The following ADGRB3 variants were observed in gnomAD, a reference collection of about 807,000 sequenced individuals.
The protein encoded by ADGRB3 is adhesion G protein-coupled receptor B3, also known as brain-specific angiogenesis inhibitor 3.
In ADGRB3, 37 loss-of-function variants were observed where a neutral mutation model predicts 193.4. The ratio of observed to expected loss-of-function variants is 0.19; its 90% CI spans 0.15 to 0.25. The LOEUF is 0.25. Ranked by LOEUF, ADGRB3 falls within the 10% of genes least tolerant of loss-of-function variation. ADGRB3 has a pLI of 1.00. For synonymous variants in ADGRB3, 690 were observed against 644.2 expected (o/e 1.07, Z -1.08); for missense variants, 1,637 against 1,852.9 (o/e 0.88, Z 2.14).
intron 17 of ADGRB3, among the ~76,000 whole-genome samples, chr6:69,201,947 G>A (rs977085249): frequency 6.6e-6 from 1 of 151,990 alleles, no homozygotes; most frequent in South Asian, 2.1e-4. Context: ...TCACTACTCA[G>A]ACATCTTATC....
At chr6:68,803,730 A>G (rs1767353438) in intron 3 of ADGRB3, among the ~76,000 whole-genome samples, 1 of 151,994 alleles carries the variant, frequency 6.6e-6, no homozygotes, top group African/African-American at 2.4e-5. Context: ...CTTGCTTTTT[A>G]TTATCTAAAC....
At chr6:68,936,129 G>T (rs1767480546) in intron 4 of ADGRB3, among the ~76,000 whole-genome samples, 1 of 152,108 alleles carries the variant, frequency 6.6e-6, no homozygotes, top group Admixed American at 6.6e-5. Context: ...ATATATTCCT[G>T]CCGCCAAAGC....
At chr6:69,150,781 C>T (rs1410423805) in intron 17 of ADGRB3, among the ~76,000 whole-genome samples, 1 of 152,182 alleles carries the variant, frequency 6.6e-6, no homozygotes, top group Non-Finnish European at 1.5e-5. Flanking sequence ...GTTATTGCTG[C>T]TGATTATTCA....
At chr6:69,319,513 G>T (rs1490081682) in intron 20 of ADGRB3, among the ~76,000 whole-genome samples, 3 of 150,742 alleles carry the variant, frequency 2.0e-5, no homozygotes, top group Non-Finnish European at 3.0e-5. Context: ...TCCATTTTTG[G>T]TTACTTTCTG....
At chr6:68,825,482 A>T (rs1220199688) in intron 3 of ADGRB3, among the ~76,000 whole-genome samples, 1 of 152,228 alleles carries the variant, frequency 6.6e-6, no homozygotes, top group African/African-American at 2.4e-5. Context: ...TAAGTAAAAC[A>T]ATAAAATAAA....
chr6:69,208,156 G>A lies in ADGRB3; in HGVS notation c.2481-25134G>A, dbSNP rs191636583. ...TGCCACCATGGCCACATTGTTCATG[G>A]GCCCATTGGGCAATAACAGGGGTGG... is the stretch of plus-strand genomic sequence containing the variant. On this transcript the variant is annotated intron_variant, in intron 17 of 31. Transcript: ENST00000370598. Among the ~76,000 whole-genome samples, 4 of 152,290 alleles carry A rather than the reference G, an allele frequency of 2.6e-5. No individual in the cohort carries two copies. In the East Asian group the frequency reaches 5.8e-4, roughly 22 times the overall value.
intron 17 of ADGRB3, among the ~76,000 whole-genome samples, chr6:69,151,846 A>T (rs999966176): frequency 2.0e-5 from 3 of 152,126 alleles, no homozygotes; most frequent in Non-Finnish European, 4.4e-5. Flanking sequence ...CCCATGTGCC[A>T]TGGGAGGGAC....
chr6:68,737,362 A>G (rs1315355113), intron 3 of ADGRB3, among the ~76,000 whole-genome samples: 1 of 151,078 alleles, frequency 6.6e-6, no homozygotes, highest in African/African-American at 2.5e-5. Flanking sequence ...ATTTTTTCAC[A>G]TGTTTAAGGG....
Position 69,010,773 on chromosome 6 carries a change from T to TA in ADGRB3, c.1930-3248dup, listed in dbSNP as rs10579619. 1.6e-3 allele frequency among the ~76,000 whole-genome samples: 214 copies of TA among 136,142 alleles called. 2 individuals carry two copies. The highest frequency in any genetic ancestry group is 3.3e-3 in the Admixed American group (44 of 13,400). The allele number at this position is 136,142 out of a possible 152,430, so 89.3% of individuals were successfully genotyped here. A position where few individuals can be genotyped will look rare whatever the true frequency, so the allele number is the denominator to read the frequency against. On this transcript the variant is annotated intron_variant, in intron 11 of 31. Coordinates refer to ENST00000370598, the MANE Select transcript of ADGRB3 (RefSeq NM_001704.3). ...CTAGGTCATGGAGATCAAGGCTGAC[T>TA]AAAAAAAAAAAAAAAAATCAAAAAA...
Position 69,149,028 on chromosome 6 carries a change from T to C in ADGRB3, c.2480+72990T>C, listed in dbSNP as rs369691786. Reference sequence around the variant, plus strand: ...ATTGCCTAGGTATCTTGAGACAAGGTAAATCTGTGAGATGTTCTATAACCT... The same window carrying C: ...ATTGCCTAGGTATCTTGAGACAAGGCAAATCTGTGAGATGTTCTATAACCT... On this transcript the variant is annotated intron_variant, in intron 17 of 31. Transcript: ENST00000370598. Among the ~76,000 whole-genome samples the C allele has an allele frequency of 7.2e-4, 109 of 152,268 alleles. 1 individual carries two copies. In the South Asian group the frequency reaches 0.018, roughly 25 times the overall value.
At chr6:68,920,425 G>T (rs1371509181) in intron 3 of ADGRB3, among the ~76,000 whole-genome samples, 1 of 149,450 alleles carries the variant, frequency 6.7e-6, no homozygotes, top group South Asian at 2.1e-4. Flanking sequence ...GGCTGAGGCA[G>T]GAGAATGACG....
At chr6:69,317,635 C>T (rs1768346504) in intron 20 of ADGRB3, among the ~76,000 whole-genome samples, 2 of 151,356 alleles carry the variant, frequency 1.3e-5, no homozygotes, top group Admixed American at 1.3e-4. Flanking sequence ...TTTCTATTAC[C>T]CACGCCCTGC....
chr6:69,256,545 A>G (rs1292974291), intron 20 of ADGRB3, among the ~76,000 whole-genome samples: 4 of 151,990 alleles, frequency 2.6e-5, no homozygotes, highest in Non-Finnish European at 5.9e-5. Context: ...ATTTTTGTAC[A>G]TTGATTTTGT....
At chr6:68,786,931 T>G (rs1037920390) in intron 3 of ADGRB3, among the ~76,000 whole-genome samples, 9 of 151,890 alleles carry the variant, frequency 5.9e-5, no homozygotes, top group Admixed American at 5.9e-4. Flanking sequence ...GAATGGGCGT[T>G]CACTCATGAT....
chr6:69,047,509 TATA>T (rs1218852064), intron 13 of ADGRB3, among the ~76,000 whole-genome samples: 4 of 151,510 alleles, frequency 2.6e-5, no homozygotes, highest in Non-Finnish European at 5.9e-5. Flanking sequence ...TCTCTGTTTA[TATA>T]ATATATATTT....
chr6:68,993,889 C>G lies in ADGRB3; in HGVS notation c.1856C>G (p.Ser619Cys), dbSNP rs750135237. 6.2e-7 allele frequency: 1 copy of G among 1,613,924 alleles called. No individual in the cohort carries two copies. Among genetic ancestry groups the G allele is most frequent in the African/African-American group, 1.3e-5 (1 of 75,010 alleles). ...TTCTATGCAGGCGATCTTCTGATGTCTGTGGAGATCCTGAGAAATGTGACA... is the reference window on the plus strand; with the variant it reads ...TTCTATGCAGGCGATCTTCTGATGTGTGTGGAGATCCTGAGAAATGTGACA... ...KNFYAGDLLM[S>C]VEILRNVTDT... The change falls in exon 11 of 32, where the codon TCT (serine) becomes TGT (cysteine). Residue 619 changes from serine to cysteine, a missense_variant. Physicochemically the swap from Ser to Cys is moderately radical, Grantham distance 112. Around this residue, in one of 7 missense-constraint regions of ADGRB3, gnomAD observed 641 missense variants for 673.9 expected, o/e 0.95. Coordinates refer to ENST00000370598, the MANE Select transcript of ADGRB3 (RefSeq NM_001704.3).
intron 3 of ADGRB3, among the ~76,000 whole-genome samples, chr6:68,720,699 G>A (rs1394438361): frequency 1.3e-5 from 2 of 151,736 alleles, no homozygotes; most frequent in Non-Finnish European, 2.9e-5. Context: ...ATGACCATAT[G>A]TGTTTTATTT....
chr6:68,888,957 A>C (rs2150228208), intron 3 of ADGRB3, among the ~76,000 whole-genome samples: 1 of 152,204 alleles, frequency 6.6e-6, no homozygotes, highest in South Asian at 2.1e-4. Flanking sequence ...CCATTAATTG[A>C]CTCAGATGGC....
intron 8 of ADGRB3, 131 bp from the exon 9 acceptor site, chr6:68,974,632 C>G: frequency 1.5e-6 from 1 of 650,562 alleles, no homozygotes; most frequent in African/African-American, 1.8e-5. Context: ...GAGACCCCAT[C>G]TCTAAAAAAA....
Sources: gnomAD v4.1 joint callset for allele counts (sites outside exome capture counted in the v4.1 genomes callset) on GRCh38, gnomAD v4.1.1 for gene constraint, gnomAD v4.1.1 regional missense constraint, MANE v1.5 for transcripts, NCBI Gene and HGNC (gene_info 2026-07-23, HGNC 2026-07-21) for gene names.